The following NCOA1 variants were observed in gnomAD, a reference collection of about 807,000 sequenced individuals.
The protein encoded by NCOA1 is Hin-2 protein.
A neutral mutation model predicts 150.9 loss-of-function variants in NCOA1; 35 were observed. The observed-to-expected ratio is 0.23, with a 90% CI of 0.18 to 0.31. The LOEUF is 0.31. Among genes scored for constraint, NCOA1 ranks in the 10% least tolerant of loss-of-function variants. The pLI is 1.00. For missense variants in NCOA1, 1,491 were observed against 1,749.3 expected, an observed-to-expected ratio of 0.85 and a Z score of 2.63; for synonymous variants, 590 against 630.0, an observed-to-expected ratio of 0.94 and a Z score of 0.95.
At chr2:24,606,770 C>T (rs185582435) in intron 3 of NCOA1, among the ~76,000 whole-genome samples, 4 of 152,212 alleles carry the variant, frequency 2.6e-5, no homozygotes, top group East Asian at 1.9e-4. Context: ...CTAACAGCTA[C>T]GTTTATTTAG....
At chr2:24,650,994 T>C (rs975706214) in intron 4 of NCOA1, among the ~76,000 whole-genome samples, 3 of 152,034 alleles carry the variant, frequency 2.0e-5, no homozygotes, top group African/African-American at 7.2e-5. Flanking sequence ...TCATTTTAGG[T>C]TTGGGATTTT....
intron 1 of NCOA1, among the ~76,000 whole-genome samples, chr2:24,544,087 T>C (rs930907318): frequency 3.3e-5 from 5 of 152,030 alleles, no homozygotes; most frequent in African/African-American, 1.2e-4. Context: ...GATTTAGGCT[T>C]TGGTGGTTAG....
chr2:24,628,673 A>C (rs55924518), intron 3 of NCOA1, among the ~76,000 whole-genome samples: 6,478 of 152,316 alleles, frequency 0.043, 212 homozygotes, highest in African/African-American at 0.093. Flanking sequence ...GATTTAGATT[A>C]CTGGGTTAAG....
At chr2:24,521,421 C>G (rs763101641) in intron 1 of NCOA1, among the ~76,000 whole-genome samples, 12 of 152,142 alleles carry the variant, frequency 7.9e-5, no homozygotes, top group Non-Finnish European at 1.8e-4. Context: ...TGATAACCAT[C>G]ATTCTATTCT....
chr2:24,666,788 A>C (rs1301519244), intron 6 of NCOA1, among the ~76,000 whole-genome samples: 1 of 152,084 alleles, frequency 6.6e-6, no homozygotes, highest in Non-Finnish European at 1.5e-5. Context: ...GCGCGCCACT[A>C]TGCCCAGCTA....
intron 3 of NCOA1, among the ~76,000 whole-genome samples, chr2:24,641,132 A>C (rs11125730): frequency 0.76 from 115,661 of 151,508 alleles, 45,710 homozygotes; most frequent in Admixed American, 0.86. Flanking sequence ...TTTTAAGTGG[A>C]TGCTCTAGGA....
chr2:24,717,905 C>T (rs376251649), intron 14 of NCOA1, among the ~76,000 whole-genome samples: 6 of 138,048 alleles, frequency 4.3e-5, no homozygotes, highest in African/African-American at 1.3e-4. Context: ...TGGTTAATAT[C>T]TTTTTTTTTT....
At chr2:24,541,808 C>A (rs1337885312) in intron 1 of NCOA1, among the ~76,000 whole-genome samples, 1 of 152,056 alleles carries the variant, frequency 6.6e-6, no homozygotes, top group Non-Finnish European at 1.5e-5. Flanking sequence ...CTCAGAAGTT[C>A]TAAAGAAGAT....
chr2:24,720,733 A>AAAAAAAAG (rs1220835416), intron 14 of NCOA1, among the ~76,000 whole-genome samples: 3 of 152,214 alleles, frequency 2.0e-5, no homozygotes, highest in African/African-American at 7.2e-5. Context: ...AAAGATGGGA[A>AAAAAAAAG]CAAAAATATG....
chr2:24,759,088 A>G (rs570702060), intron 21 of NCOA1, among the ~76,000 whole-genome samples: 2 of 152,298 alleles, frequency 1.3e-5, no homozygotes, highest in Admixed American at 1.3e-4. Flanking sequence ...TTTTAATTCA[A>G]TAAGCATTTA....
chr2:24,692,135 A>T (rs1672694375), intron 9 of NCOA1, among the ~76,000 whole-genome samples: 1 of 152,186 alleles, frequency 6.6e-6, no homozygotes, highest in Non-Finnish European at 1.5e-5. Context: ...CTCTAATATG[A>T]ACATGGTGTC....
At chr2:24,591,405 G>C (rs1667651671) in intron 3 of NCOA1, among the ~76,000 whole-genome samples, 1 of 152,124 alleles carries the variant, frequency 6.6e-6, no homozygotes, top group East Asian at 1.9e-4. Context: ...TGCAAACTAG[G>C]AAAAAATTGT....
At chr2:24,612,963 C>T (rs1318285311) in intron 3 of NCOA1, among the ~76,000 whole-genome samples, 1 of 152,106 alleles carries the variant, frequency 6.6e-6, no homozygotes, top group East Asian at 1.9e-4. Flanking sequence ...TCAGATTTTT[C>T]GTTTGGCCAG....
At chr2:24,587,884 G>A (rs939117392) in intron 3 of NCOA1, among the ~76,000 whole-genome samples, 5 of 152,174 alleles carry the variant, frequency 3.3e-5, no homozygotes, top group Non-Finnish European at 7.3e-5. Flanking sequence ...GTCTAGAGTA[G>A]GGCACATAAA....
At chr2:24,745,231 G>A (rs555049627) in intron 19 of NCOA1, among the ~76,000 whole-genome samples, 9 of 146,934 alleles carry the variant, frequency 6.1e-5, no homozygotes, top group East Asian at 4.0e-4. Context: ...GCGTGATCTC[G>A]GCTCACTGCA....
At chr2:24,644,776 C>T (rs1164059215) in intron 4 of NCOA1, among the ~76,000 whole-genome samples, 1 of 152,058 alleles carries the variant, frequency 6.6e-6, no homozygotes, top group African/African-American at 2.4e-5. Flanking sequence ...AATTAATAGA[C>T]TTGTAATTGA....
At chr2:24,618,970 G>A (rs1030626623) in intron 3 of NCOA1, among the ~76,000 whole-genome samples, 1 of 152,096 alleles carries the variant, frequency 6.6e-6, no homozygotes, top group Non-Finnish European at 1.5e-5. Context: ...AATTTATACT[G>A]TCTTTTCACT....
In NCOA1 at chr2:24,710,786, C is replaced by T. The variant is rs1673710561; in HGVS notation, c.2419-145C>T. 5 of 762,436 alleles carry T rather than the reference C, an allele frequency of 6.6e-6. No individual in the cohort carries two copies. The East Asian group carries it at 1.1e-4, about 17-fold the overall frequency. 47.2% of individuals were successfully genotyped at this position (762,436 alleles called of 1,614,324 possible). ...TTAGCTCATGTAATTTCCAAGTAGC[C>T]CCAATCATTCTAATTATTTCTTCTT... is the stretch of plus-strand genomic sequence containing the variant. On this transcript the variant is annotated intron_variant, in intron 13 of 22. Transcript: ENST00000348332.
intron 10 of NCOA1, among the ~76,000 whole-genome samples, chr2:24,696,617 A>G (rs533156893): frequency 3.5e-4 from 54 of 152,280 alleles, no homozygotes; most frequent in African/African-American, 1.3e-3. Context: ...ATAACCTACA[A>G]TCTAACAATT....
Sources: gnomAD v4.1 joint callset for allele counts (sites outside exome capture counted in the v4.1 genomes callset) on GRCh38, gnomAD v4.1.1 for gene constraint, MANE v1.5 for transcripts, NCBI Gene and HGNC (gene_info 2026-07-23, HGNC 2026-07-21) for gene names.